Variants in RFX4 observed in about 807,000 individuals in gnomAD.
The protein encoded by RFX4 is transcription factor RFX4.
Under a neutral mutation model 95.0 loss-of-function variants are expected in RFX4, and 10 were observed. The ratio of observed to expected loss-of-function variants is 0.11; its 90% CI spans 0.06 to 0.18. The LOEUF is 0.18. Ranked by LOEUF, RFX4 falls within the 10% of genes least tolerant of loss-of-function variation. The probability of loss-of-function intolerance (pLI) is 1.00; values close to 1 mark genes in which losing one functional copy is unlikely to be tolerated. For missense variants in RFX4, 640 were observed against 922.0 expected (o/e 0.69, Z 3.96); for synonymous variants, 321 against 340.7 (o/e 0.94, Z 0.64).
intron 15 of RFX4, among the ~76,000 whole-genome samples, chr12:106,745,843 C>T (rs2042881475): frequency 6.6e-6 from 1 of 152,156 alleles, no homozygotes; most frequent in African/African-American, 2.4e-5. Context: ...TTAATTATTT[C>T]CACCATACTA....
Position 106,761,480 on chromosome 12 carries a change from A to T in RFX4, c.*11A>T, listed in dbSNP as rs2043207374. ...GGATGGGCTAAATGACTGCTATCAT[A>T]GGCATCCATATTTAATATTAATAAT... On this transcript the variant is annotated 3_prime_UTR_variant, in exon 18 of 18. Transcript: ENST00000392842. 3 of 1,537,712 alleles carry T rather than the reference A, an allele frequency of 2.0e-6. No individual in the cohort carries two copies. Among genetic ancestry groups the T allele is most frequent in the African/African-American group, 1.4e-5 (1 of 72,786 alleles).
Position 106,720,683 on chromosome 12 carries a change from G to T in RFX4, c.1234-76G>T. On this transcript the variant is annotated intron_variant, in intron 12 of 17. Transcript: ENST00000392842. This position sits in a 1 kb window ranked among gnomAD's most constrained non-coding sequence, Gnocchi z 4.2. ...ATTACAGGCGTGAGCCACTTCAACC[G>T]GCCTCATTTTTCAAAGAGACAGTAA... The T allele has an allele frequency of 6.3e-6, 9 of 1,418,698 alleles. No homozygotes were observed. Among genetic ancestry groups the T allele is most frequent in the Non-Finnish European group, 9.0e-6 (9 of 1,004,048 alleles). The allele number at this position is 1,418,698 out of a possible 1,614,324, so 87.9% of individuals were successfully genotyped here.
chr12:106,659,688 C>T lies in RFX4; in HGVS notation c.315+5337C>T, dbSNP rs544066391. Among the ~76,000 whole-genome samples the T allele has an allele frequency of 2.0e-5, 3 of 152,272 alleles. No individual in the cohort carries two copies. In the East Asian group the frequency reaches 5.8e-4, roughly 29 times the overall value. ...CTATGAAGTAGATACTGTTATTGTT[C>T]CCATTCCATGGATGGCAAACTGAGT... On this transcript the variant is annotated intron_variant, in intron 4 of 17. Coordinates refer to ENST00000392842, the MANE Select transcript of RFX4 (RefSeq NM_213594.3).
intron 3 of RFX4, among the ~76,000 whole-genome samples, chr12:106,647,118 T>TA (rs2040763036): frequency 6.6e-6 from 1 of 152,232 alleles, no homozygotes; most frequent in African/African-American, 2.4e-5. Flanking sequence ...TTCCTTCTGG[T>TA]AAACTGTCAG....
chr12:106,743,070 A>T (rs891266389), intron 15 of RFX4, among the ~76,000 whole-genome samples: 8 of 152,164 alleles, frequency 5.3e-5, no homozygotes, highest in Non-Finnish European at 1.0e-4. Flanking sequence ...AGCAGTTTCA[A>T]TACTGTAAGG....
At chr12:106,630,646 T>C (rs756295630) in intron 2 of RFX4, among the ~76,000 whole-genome samples, 9 of 152,212 alleles carry the variant, frequency 5.9e-5, no homozygotes, top group Non-Finnish European at 1.3e-4. Context: ...GTCAGTATAA[T>C]GAAAGGAAAT....
At chr12:106,640,298 A>G (rs2040594492) in intron 3 of RFX4, among the ~76,000 whole-genome samples, 1 of 152,236 alleles carries the variant, frequency 6.6e-6, no homozygotes, top group Non-Finnish European at 1.5e-5. Flanking sequence ...TGCAAAGCTC[A>G]TGCTTGCGAA....
At position 106,698,221 on chromosome 12, in the gene RFX4, G is replaced by A. The variant is rs558899408; in HGVS notation, c.833+1775G>A. On this transcript the variant is annotated intron_variant, in intron 8 of 17. Coordinates refer to ENST00000392842, the MANE Select transcript of RFX4 (RefSeq NM_213594.3). ...ACTCCTGACCTCAGGCGATCCAACC[G>A]CCTCAGCCTCCCTTTGTGCTGGGAT... Among the ~76,000 whole-genome samples the A allele has an allele frequency of 5.9e-4, 89 of 152,010 alleles. 1 individual carries two copies. Among genetic ancestry groups the A allele is most frequent in the African/African-American group, 1.8e-3 (76 of 41,466 alleles).
chr12:106,754,518 A>T (rs559386656), intron 17 of RFX4, among the ~76,000 whole-genome samples: 1 of 152,324 alleles, frequency 6.6e-6, no homozygotes, highest in South Asian at 2.1e-4. Context: ...AGTTCTGGGC[A>T]TTGTCTTCCC....
intron 17 of RFX4, among the ~76,000 whole-genome samples, chr12:106,759,777 C>G (rs1296713090): frequency 2.6e-5 from 4 of 152,122 alleles, no homozygotes; most frequent in Non-Finnish European, 4.4e-5. Flanking sequence ...TCCCTCTTTC[C>G]TAACTGTTCT....
intron 11 of RFX4, among the ~76,000 whole-genome samples, chr12:106,717,000 C>CAA (rs71311249): frequency 0.042 from 2,521 of 59,968 alleles, 94 homozygotes; most frequent in African/African-American, 0.094. Flanking sequence ...GCACAGGAGA[C>CAA]AAAAAAAAAA....
intron 8 of RFX4, among the ~76,000 whole-genome samples, chr12:106,698,146 G>A (rs2041916937): frequency 6.6e-6 from 1 of 151,718 alleles, no homozygotes; most frequent in African/African-American, 2.4e-5. Flanking sequence ...CTAATTTTTT[G>A]TATTTTTAGT....
chr12:106,668,089 A>T (rs2041213158), intron 4 of RFX4, among the ~76,000 whole-genome samples: 1 of 152,190 alleles, frequency 6.6e-6, no homozygotes, highest in Non-Finnish European at 1.5e-5. Flanking sequence ...TTTCTCACAT[A>T]AACTAAGTCT....
At chr12:106,634,232 A>G (rs1327456383) in intron 2 of RFX4, among the ~76,000 whole-genome samples, 5 of 152,208 alleles carry the variant, frequency 3.3e-5, no homozygotes, top group African/African-American at 7.2e-5. Flanking sequence ...CCATCCCTTC[A>G]GGGCTCAGCT....
At chr12:106,757,662 C>A (rs1380284702) in intron 17 of RFX4, among the ~76,000 whole-genome samples, 1 of 152,028 alleles carries the variant, frequency 6.6e-6, no homozygotes, top group Non-Finnish European at 1.5e-5. Flanking sequence ...TCTGGCAGTA[C>A]TTTGGTGCAG....
At chr12:106,612,596 G>A (rs2039983305) in intron 2 of RFX4, among the ~76,000 whole-genome samples, 1 of 152,176 alleles carries the variant, frequency 6.6e-6, no homozygotes, top group Non-Finnish European at 1.5e-5. Flanking sequence ...CCAGCACTTT[G>A]GGAGGCCGAG....
intron 10 of RFX4, among the ~76,000 whole-genome samples, chr12:106,712,909 TCAGA>T (rs2042218695): frequency 6.6e-6 from 1 of 152,104 alleles, no homozygotes; most frequent in Non-Finnish European, 1.5e-5. Flanking sequence ...CCTCTGGGGA[TCAGA>T]CAATTTAGAG....
chr12:106,720,037 G>T lies in RFX4; in HGVS notation c.1216G>T (p.Asp406Tyr). The change falls in exon 12 of 18, where the codon GAC (aspartate) becomes TAC (tyrosine). Residue 406 changes from aspartate (D) to tyrosine (Y), a missense_variant. Asp to Tyr is a radical substitution (Grantham distance 160). Around this residue, in one of 7 missense-constraint regions of RFX4, gnomAD observed 72 missense variants for 80.5 expected, o/e 0.89. Coordinates refer to ENST00000392842, the MANE Select transcript of RFX4 (RefSeq NM_213594.3). The surrounding 1 kb of genome is among the most constrained non-coding windows in gnomAD (Gnocchi z 4.2). ...SYIEWLDTMV[D>Y]RCVVKVAAKR... Reference sequence around the variant, plus strand: ...CATTGAGTGGCTGGATACCATGGTTGACCGCTGTGTTGTGAAGGTTGGTAA... The same window carrying T: ...CATTGAGTGGCTGGATACCATGGTTTACCGCTGTGTTGTGAAGGTTGGTAA... 1 of 1,614,144 alleles carries T rather than the reference G, an allele frequency of 6.2e-7. No homozygotes were observed. The highest frequency in any genetic ancestry group is 8.5e-7 in the Non-Finnish European group (1 of 1,180,006).
chr12:106,595,870 C>A (rs1221938837), intron 1 of RFX4, among the ~76,000 whole-genome samples: 2 of 152,188 alleles, frequency 1.3e-5, no homozygotes, highest in African/African-American at 2.4e-5. Context: ...ACTTAGGTAA[C>A]CTCTCTGAGC....
Sources: gnomAD v4.1 joint callset for allele counts (sites outside exome capture counted in the v4.1 genomes callset) on GRCh38, gnomAD v4.1.1 for gene constraint, gnomAD v4.1.1 regional missense constraint, Gnocchi (gnomAD v3.1) non-coding constraint, MANE v1.5 for transcripts, NCBI Gene and HGNC (gene_info 2026-07-23, HGNC 2026-07-21) for gene names.